Variants in MN1 observed in about 807,000 individuals in gnomAD.
The protein encoded by MN1 is MN1 proto-oncogene, transcriptional regulator.
In MN1, 19 loss-of-function variants were observed where a neutral mutation model predicts 86.9. The observed-to-expected ratio is 0.22, with a 90% CI of 0.15 to 0.32. The LOEUF (loss-of-function observed/expected upper bound fraction) is 0.32. Among genes scored for constraint, MN1 ranks in the 10% least tolerant of loss-of-function variants. The probability of loss-of-function intolerance (pLI) is 1.00; values close to 1 mark genes in which losing one functional copy is unlikely to be tolerated. For missense variants in MN1, 1,841 were observed against 1,862.0 expected, an observed-to-expected ratio of 0.99 and a Z score of 0.21; for synonymous variants, 928 against 849.6, an observed-to-expected ratio of 1.09 and a Z score of -1.60.
At chr22:27,759,733 A>T (rs1283176003) in intron 1 of MN1, among the ~76,000 whole-genome samples, 2 of 152,198 alleles carry the variant, frequency 1.3e-5, no homozygotes, top group East Asian at 3.9e-4. Flanking sequence ...TAGGCACCTG[A>T]TAAGTATTTG....
intron 1 of MN1, among the ~76,000 whole-genome samples, chr22:27,787,911 G>A (rs1056731738): frequency 4.6e-5 from 7 of 152,096 alleles, no homozygotes; most frequent in African/African-American, 1.4e-4. Flanking sequence ...CCCACAATGC[G>A]GTCATCCAGT....
At chr22:27,784,514 G>T (rs945288149) in intron 1 of MN1, among the ~76,000 whole-genome samples, 1 of 151,618 alleles carries the variant, frequency 6.6e-6, no homozygotes, top group Non-Finnish European at 1.5e-5. Context: ...CTTAAAAACA[G>T]ATCAATTTTA....
intron 1 of MN1, among the ~76,000 whole-genome samples, chr22:27,779,225 C>A (rs928462363): frequency 1.8e-4 from 28 of 152,280 alleles, no homozygotes; most frequent in East Asian, 3.9e-4. Context: ...AGCACCTGTG[C>A]TCCCTGGCAC....
chr22:27,779,660 T>G (rs1468253756), intron 1 of MN1, among the ~76,000 whole-genome samples: 4 of 152,182 alleles, frequency 2.6e-5, no homozygotes, highest in African/African-American at 9.7e-5. Flanking sequence ...GGGCTTGGCA[T>G]GATGGGTGTT....
Position 27,776,738 on chromosome 22 carries a change from CT to C in MN1, c.3781+20024del, listed in dbSNP as rs1248443931. ...TAAATTGGAAGCATACATGCCCCCC[CT>C]CACCCGCCCCAACTCGGGCGGACGC... On this transcript the variant is annotated intron_variant, in intron 1 of 1. Coordinates refer to ENST00000302326, the MANE Select transcript of MN1 (RefSeq NM_002430.3). 5.9e-5 allele frequency among the ~76,000 whole-genome samples: 9 copies of C among 152,284 alleles called. No homozygotes were observed. In the East Asian group the frequency reaches 1.5e-3, roughly 26 times the overall value.
rs557499308 is a variant in MN1, at chr22:27,801,047, C to T, written c.-504G>A. ...AGGGGAGGGAGACCCTTCAAAGCCG[C>T]GGCTGGCGCCGGGCACCGACAGAGC... On this transcript the variant is annotated 5_prime_UTR_variant, in exon 1 of 2. Transcript: ENST00000302326. 1.6e-4 allele frequency: 39 copies of T among 237,616 alleles called. No individual in the cohort carries two copies. The highest frequency in any genetic ancestry group is 6.4e-4 in the African/African-American group (29 of 45,170). 14.7% of individuals were successfully genotyped at this position (237,616 alleles called of 1,614,324 possible).
intron 1 of MN1, among the ~76,000 whole-genome samples, chr22:27,793,592 AGTT>A (rs975984387): frequency 4.6e-5 from 7 of 152,136 alleles, no homozygotes; most frequent in Non-Finnish European, 7.4e-5. Flanking sequence ...ATTATATAAA[AGTT>A]GTTGGGTGGG....
At chr22:27,757,910 C>T (rs982183386) in intron 1 of MN1, among the ~76,000 whole-genome samples, 8 of 152,064 alleles carry the variant, frequency 5.3e-5, no homozygotes, top group African/African-American at 1.7e-4. Flanking sequence ...CTCCCCATCC[C>T]CCACAGTCAG....
intron 1 of MN1, among the ~76,000 whole-genome samples, chr22:27,795,264 G>A (rs952697980): frequency 1.3e-5 from 2 of 152,084 alleles, no homozygotes; most frequent in Admixed American, 6.5e-5. Context: ...CAGAGAGGCC[G>A]CATTCATGAA....
Position 27,798,216 on chromosome 22 carries a change from A to G in MN1, c.2328T>C (p.Ser776=). 1 of 1,528,900 alleles carries G rather than the reference A, an allele frequency of 6.5e-7. No individual in the cohort carries two copies. Among genetic ancestry groups the G allele is most frequent in the Non-Finnish European group, 8.7e-7 (1 of 1,147,144 alleles). 94.7% of individuals were successfully genotyped at this position (1,528,900 alleles called of 1,614,324 possible). A position where few individuals can be genotyped will look rare whatever the true frequency, so the allele number is the denominator to read the frequency against. ...PPSAGGGGGS[S]GGGGGGGAYP... ...AGGCACCCCCGCCACCGCCGCCACC[A>G]GAGCTGCCACCGCCCCCTCCCGCGC... Residue 776 remains serine (S), a synonymous_variant, in exon 1 of 2, where the codon TCT becomes TCC. Coordinates refer to ENST00000302326, the MANE Select transcript of MN1 (RefSeq NM_002430.3).
intron 1 of MN1, among the ~76,000 whole-genome samples, chr22:27,778,061 A>T (rs1986324737): frequency 6.6e-6 from 1 of 152,162 alleles, no homozygotes; most frequent in Non-Finnish European, 1.5e-5. Flanking sequence ...ACCCGTCACC[A>T]TATATATGCA....
chr22:27,790,874 C>T (rs1242832347), intron 1 of MN1, among the ~76,000 whole-genome samples: 1 of 152,116 alleles, frequency 6.6e-6, no homozygotes, highest in Non-Finnish European at 1.5e-5. Context: ...CCAGGAGGCC[C>T]GGGAGGCTGA....
At chr22:27,780,598 T>C (rs1427334353) in intron 1 of MN1, among the ~76,000 whole-genome samples, 1 of 152,154 alleles carries the variant, frequency 6.6e-6, no homozygotes, top group Non-Finnish European at 1.5e-5. Flanking sequence ...TGTTTAAAAG[T>C]AGAATCACCA....
At chr22:27,789,033 G>A (rs112294919) in intron 1 of MN1, among the ~76,000 whole-genome samples, 252 of 152,220 alleles carry the variant, frequency 1.7e-3, no homozygotes, top group African/African-American at 5.8e-3. Context: ...ATGCATCAAC[G>A]GGCCACTTAG....
At chr22:27,759,578 A>G (rs960477571) in intron 1 of MN1, among the ~76,000 whole-genome samples, 1 of 151,850 alleles carries the variant, frequency 6.6e-6, no homozygotes, top group Admixed American at 6.6e-5. Flanking sequence ...GCCCCTCACT[A>G]GCTCTGTGAT....
intron 1 of MN1, among the ~76,000 whole-genome samples, chr22:27,765,146 A>G (rs1299728087): frequency 1.3e-5 from 2 of 152,212 alleles, no homozygotes; most frequent in African/African-American, 4.8e-5. Context: ...TTGCAGAGAA[A>G]GTGTGCTGAC....
Position 27,797,831 on chromosome 22 carries a change from C to G in MN1, c.2713G>C (p.Gly905Arg). The G allele has an allele frequency of 6.3e-7, 1 of 1,578,908 alleles. No homozygotes were observed. The highest frequency in any genetic ancestry group is 1.7e-4 in the Middle Eastern group (1 of 5,846). Reference protein sequence around the residue: ...GTSSSGSKASGPPNPPAQGDG... With the variant: ...GTSSSGSKASRPPNPPAQGDG... The stretch of plus-strand genomic sequence containing the variant: ...CCCTGGGCTGGAGGGTTGGGCGGCC[C>G]CGAGGCTTTGGAGCCGCTGCTACTG... Residue 905 changes from glycine (G) to arginine (R), a missense_variant, in exon 1 of 2, where the codon GGG becomes CGG. Gly to Arg is a moderately radical substitution (Grantham distance 125, BLOSUM62 -2). Coordinates refer to ENST00000302326, the MANE Select transcript of MN1 (RefSeq NM_002430.3).
intron 1 of MN1, among the ~76,000 whole-genome samples, chr22:27,785,746 GCCC>G (rs35117962): frequency 2.2e-5 from 3 of 135,272 alleles, no homozygotes; most frequent in South Asian, 4.7e-4. Flanking sequence ...TAACAGGTGT[GCCC>G]CCCCCCCATG....
At chr22:27,756,036 C>T (rs777119305) in intron 1 of MN1, among the ~76,000 whole-genome samples, 3 of 152,194 alleles carry the variant, frequency 2.0e-5, no homozygotes, top group African/African-American at 7.2e-5. Context: ...ACGCTTAGCA[C>T]GTGGGGCGCT....
Sources: gnomAD v4.1 joint callset for allele counts (sites outside exome capture counted in the v4.1 genomes callset) on GRCh38, gnomAD v4.1.1 for gene constraint, MANE v1.5 for transcripts, NCBI Gene and HGNC (gene_info 2026-07-23, HGNC 2026-07-21) for gene names.